The following RASA1 variants were observed in gnomAD, a reference collection of about 807,000 sequenced individuals.
The protein encoded by RASA1 is RAS p21 protein activator 1.
A neutral mutation model predicts 132.2 loss-of-function variants in RASA1; 25 were observed. The ratio of observed to expected loss-of-function variants is 0.19; its 90% CI spans 0.14 to 0.26. RASA1 has a LOEUF of 0.26. Ranked by LOEUF, RASA1 falls within the 10% of genes least tolerant of loss-of-function variation. The probability of loss-of-function intolerance (pLI) is 1.00; values close to 1 mark genes in which losing one functional copy is unlikely to be tolerated. For missense variants in RASA1, 964 were observed against 1,299.2 expected, an observed-to-expected ratio of 0.74 and a Z score of 3.97; for synonymous variants, 477 against 449.9, an observed-to-expected ratio of 1.06 and a Z score of -0.76.
intron 1 of RASA1, among the ~76,000 whole-genome samples, chr5:87,275,663 C>A (rs897927807): frequency 6.6e-6 from 1 of 152,178 alleles, no homozygotes. Context: ...CTCCGCCTTC[C>A]GGGTTCAAGC....
intron 1 of RASA1, among the ~76,000 whole-genome samples, chr5:87,277,274 CT>C (rs1206443116): frequency 6.6e-6 from 1 of 152,158 alleles, no homozygotes; most frequent in East Asian, 1.9e-4. Flanking sequence ...TACTTCAGGG[CT>C]GGCAGTAACT....
intron 1 of RASA1, among the ~76,000 whole-genome samples, chr5:87,305,804 A>G (rs1755581400): frequency 6.6e-6 from 1 of 152,186 alleles, no homozygotes; most frequent in African/African-American, 2.4e-5. Flanking sequence ...AGAATCCATT[A>G]AAATGTGGGC....
At chr5:87,352,946 T>C (rs754305857) in intron 8 of RASA1, among the ~76,000 whole-genome samples, 7 of 151,968 alleles carry the variant, frequency 4.6e-5, no homozygotes, top group Non-Finnish European at 1.0e-4. Context: ...ATCTGGGCCA[T>C]GTATTCTGGC....
intron 1 of RASA1, among the ~76,000 whole-genome samples, chr5:87,311,624 C>T (rs1755917960): frequency 6.6e-6 from 1 of 152,298 alleles, no homozygotes; most frequent in East Asian, 1.9e-4. Context: ...GCTTAACTGC[C>T]GCTCACAGCA....
chr5:87,355,317 G>A (rs2112437198), intron 9 of RASA1, among the ~76,000 whole-genome samples: 1 of 152,256 alleles, frequency 6.6e-6, no homozygotes, highest in Admixed American at 6.5e-5. Context: ...GTGACTTTAG[G>A]TTGAAACCAA....
intron 8 of RASA1, among the ~76,000 whole-genome samples, chr5:87,352,622 C>G (rs1759357306): frequency 2.0e-5 from 3 of 151,598 alleles, no homozygotes; most frequent in Admixed American, 1.3e-4. Flanking sequence ...GCTTTTCTCC[C>G]TATAGTGATA....
In RASA1 at chr5:87,362,687, T is replaced by C. The variant is rs779000314; in HGVS notation, c.1453+16T>C. On this transcript the variant is annotated intron_variant, in intron 10 of 24. Transcript: ENST00000274376. Reference sequence around the variant, plus strand: ...CTGAAAAAGGGTAAGTTCAGACTTTTATCATTAACCCATTTGATAGAGACG... The same window carrying C: ...CTGAAAAAGGGTAAGTTCAGACTTTCATCATTAACCCATTTGATAGAGACG... 3.7e-6 allele frequency: 6 copies of C among 1,600,972 alleles called. No individual in the cohort carries two copies. Among genetic ancestry groups the C allele is most frequent in the Admixed American group, 1.7e-5 (1 of 59,954 alleles).
At position 87,333,381 on chromosome 5, in the gene RASA1, A is replaced by G. The variant is rs367786252; in HGVS notation, c.899+44A>G. ...TCATGTATAGGCATTTGAAAGAGCT[A>G]GACTTCGAAGATTTATTACTCTTGG... On this transcript the variant is annotated intron_variant, in intron 4 of 24. Transcript: ENST00000274376. 3.7e-6 allele frequency: 6 copies of G among 1,604,892 alleles called. No individual in the cohort carries two copies. In the African/African-American group the frequency reaches 6.7e-5, roughly 18 times the overall value.
At chr5:87,352,450 C>T (rs185171964) in intron 8 of RASA1, among the ~76,000 whole-genome samples, 3 of 151,620 alleles carry the variant, frequency 2.0e-5, no homozygotes, top group African/African-American at 4.8e-5. Context: ...TTTCCATATT[C>T]AGGACAATAG....
At chr5:87,314,081 G>A (rs1316648082) in intron 1 of RASA1, among the ~76,000 whole-genome samples, 1 of 152,216 alleles carries the variant, frequency 6.6e-6, no homozygotes, top group Non-Finnish European at 1.5e-5. Context: ...AGGCAGGCAG[G>A]AGAATCGCTT....
chr5:87,305,639 T>G (rs1210436940), intron 1 of RASA1, among the ~76,000 whole-genome samples: 1 of 152,132 alleles, frequency 6.6e-6, no homozygotes. Context: ...GCAAATGGGA[T>G]CCAGTTAAAT....
chr5:87,350,365 T>C (rs1759172707), intron 8 of RASA1, among the ~76,000 whole-genome samples: 1 of 151,830 alleles, frequency 6.6e-6, no homozygotes, highest in Non-Finnish European at 1.5e-5. Context: ...TTGAGTTCTT[T>C]AAGAATGTAA....
chr5:87,366,452 ATCCTT>A (rs1378552128), intron 11 of RASA1: 1 of 333,968 alleles, frequency 3.0e-6, no homozygotes, highest in Non-Finnish European at 6.2e-6. Context: ...GAAGGATCAG[ATCCTT>A]GAAGCACAAG....
chr5:87,353,747 A>G (rs188476476), intron 9 of RASA1, among the ~76,000 whole-genome samples: 27 of 152,186 alleles, frequency 1.8e-4, no homozygotes, highest in Admixed American at 5.9e-4. Context: ...GGTGGTGGCA[A>G]TGTCTTACAG....
rs183360650 is a variant in RASA1 at position 87,373,340 on chromosome 5, G to A, written c.1777-823G>A. On this transcript the variant is annotated intron_variant, in intron 13 of 24. Coordinates refer to ENST00000274376, the MANE Select transcript of RASA1 (RefSeq NM_002890.3). The stretch of plus-strand genomic sequence containing the variant: ...TACAAGTAATCTAGAGATGATTTAC[G>A]GCATACAGGGGGGCATGCATAGATT... 7.2e-5 allele frequency among the ~76,000 whole-genome samples: 11 copies of A among 151,996 alleles called. No homozygotes were observed. The South Asian group carries it at 1.7e-3, about 23-fold the overall frequency.
At chr5:87,274,744 C>CT (rs138042816) in intron 1 of RASA1, among the ~76,000 whole-genome samples, 3,330 of 152,186 alleles carry the variant, frequency 0.022, 123 homozygotes, top group African/African-American at 0.076. Flanking sequence ...TCAGTAAATT[C>CT]TTTGAGGAAA....
intron 20 of RASA1, among the ~76,000 whole-genome samples, chr5:87,382,357 T>C (rs761466552): frequency 1.3e-5 from 2 of 152,166 alleles, no homozygotes; most frequent in East Asian, 1.9e-4. Flanking sequence ...TGCTAAGAAA[T>C]TGGGTAATCC....
chr5:87,367,311 A>G (rs1262408220), intron 11 of RASA1, among the ~76,000 whole-genome samples: 1 of 152,192 alleles, frequency 6.6e-6, no homozygotes, highest in East Asian at 1.9e-4. Context: ...ATGAATGTTA[A>G]TATCTTTTTC....
At chr5:87,277,262 C>T (rs1754105519) in intron 1 of RASA1, among the ~76,000 whole-genome samples, 1 of 152,132 alleles carries the variant, frequency 6.6e-6, no homozygotes, top group African/African-American at 2.4e-5. Context: ...TAAAACTTAA[C>T]GTACTTCAGG....
Sources: gnomAD v4.1 joint callset for allele counts (sites outside exome capture counted in the v4.1 genomes callset) on GRCh38, gnomAD v4.1.1 for gene constraint, MANE v1.5 for transcripts, NCBI Gene and HGNC (gene_info 2026-07-23, HGNC 2026-07-21) for gene names.